CCDC171: variants seen among roughly 807,000 people sequenced by gnomAD.
CCDC171 encodes the protein coiled-coil domain-containing protein 171.
CCDC171 carries 177 observed loss-of-function variants against 168.2 expected under a neutral mutation model. The observed-to-expected ratio is 1.05, with a 90% CI of 0.93 to 1.19. The LOEUF is 1.19. Among genes scored for constraint, CCDC171 ranks in the 50% most tolerant of loss-of-function variants. CCDC171 has a pLI of 0.00. For synonymous variants in CCDC171, 687 were observed against 540.8 expected, an observed-to-expected ratio of 1.27 and a Z score of -3.75; for missense variants, 1,991 against 1,539.0, an observed-to-expected ratio of 1.29 and a Z score of -4.91.
chr9:15,744,170 A>G, intron 16 of CCDC171, 103 bp from the exon 17 acceptor site: 2 of 888,720 alleles, frequency 2.3e-6, no homozygotes, highest in Non-Finnish European at 3.3e-6. Flanking sequence ...TTTAAAGAGG[A>G]AGAAGTGGTT....
intron 11 of CCDC171, 146 bp from the exon 12 acceptor site, chr9:15,721,623 C>A (rs768511278): frequency 1.5e-5 from 4 of 271,626 alleles, no homozygotes; most frequent in South Asian, 1.2e-4. Flanking sequence ...ATTTTATTCT[C>A]CAAGTATACT....
intron 21 of CCDC171, among the ~76,000 whole-genome samples, chr9:15,825,097 TTTC>T (rs2059957659): frequency 6.6e-6 from 1 of 152,154 alleles, no homozygotes; most frequent in African/African-American, 2.4e-5. Flanking sequence ...AACTTCAAAT[TTTC>T]TTCTTCATCC....
In CCDC171 at chr9:15,768,192, T is replaced by TAAA. The variant is rs34022345; in HGVS notation, c.2672-9398_2672-9396dup. ...TATACTTAGCTTCCTATGAGTTTCC[T>TAAA]AAAAAAAAAAAACCCTAAAATTCAG... is the stretch of plus-strand genomic sequence containing the variant. On this transcript the variant is annotated intron_variant, in intron 18 of 25. Transcript: ENST00000380701. Among the ~76,000 whole-genome samples, 143 of 145,412 alleles carry TAAA rather than the reference T, an allele frequency of 9.8e-4. 1 individual carries two copies. The highest frequency in any genetic ancestry group is 8.7e-4 in the South Asian group (4 of 4,578).
chr9:15,927,712 G>T (rs542546109), intron 25 of CCDC171, among the ~76,000 whole-genome samples: 70 of 151,548 alleles, frequency 4.6e-4, no homozygotes, highest in Non-Finnish European at 8.7e-4. Flanking sequence ...TAGATATTTT[G>T]GTTCAGTTAA....
chr9:15,748,796 C>T (rs1293070607), intron 18 of CCDC171, among the ~76,000 whole-genome samples: 4 of 152,146 alleles, frequency 2.6e-5, no homozygotes, highest in African/African-American at 9.7e-5. Context: ...CACCACCAGG[C>T]CTGCCTTACA....
intron 25 of CCDC171, among the ~76,000 whole-genome samples, chr9:15,959,069 C>T (rs556833969): frequency 2.6e-5 from 4 of 152,142 alleles, no homozygotes; most frequent in East Asian, 1.9e-4. Flanking sequence ...CTTGGAAGAC[C>T]GAAGGTGCCT....
intron 21 of CCDC171, among the ~76,000 whole-genome samples, chr9:15,811,781 C>T (rs1241240195): frequency 6.6e-6 from 1 of 152,114 alleles, no homozygotes; most frequent in Non-Finnish European, 1.5e-5. Context: ...ATGATGGAGT[C>T]TACCTATAGG....
At chr9:15,688,652 C>G (rs2050577886) in intron 10 of CCDC171, among the ~76,000 whole-genome samples, 1 of 152,122 alleles carries the variant, frequency 6.6e-6, no homozygotes, top group East Asian at 1.9e-4. Flanking sequence ...ATGCAGCATC[C>G]TTTTATGATA....
chr9:15,621,195 G>A (rs1042952465), intron 6 of CCDC171, among the ~76,000 whole-genome samples: 5 of 152,274 alleles, frequency 3.3e-5, no homozygotes, highest in Non-Finnish European at 5.9e-5. Context: ...TCAGATTCCT[G>A]GGCTCAAGTG....
intron 21 of CCDC171, among the ~76,000 whole-genome samples, chr9:15,799,569 A>G (rs1295836951): frequency 6.6e-6 from 1 of 152,190 alleles, no homozygotes; most frequent in East Asian, 1.9e-4. Context: ...TAACCACATC[A>G]TGGTAAATGG....
At chr9:15,850,165 A>T (rs2061066223) in intron 23 of CCDC171, 1 of 151,932 alleles carries the variant, frequency 6.6e-6, no homozygotes, top group African/African-American at 2.4e-5. Flanking sequence ...TACGTCATAT[A>T]CATGGCATAC....
intron 10 of CCDC171, among the ~76,000 whole-genome samples, chr9:15,688,325 T>A (rs944124421): frequency 1.3e-5 from 2 of 152,108 alleles, no homozygotes; most frequent in African/African-American, 4.8e-5. Context: ...CTTCATAAAT[T>A]CTTTCAAAAA....
rs184110922 is a variant in CCDC171 at position 15,649,781 on chromosome 9, G to A, written c.823-7346G>A. Reference sequence around the variant, plus strand: ...CTAGAGAGGATGTGGAGAAATAGGAGCATTTTTACACTGTTGGAAGGACTG... The same window carrying A: ...CTAGAGAGGATGTGGAGAAATAGGAACATTTTTACACTGTTGGAAGGACTG... On this transcript the variant is annotated intron_variant, in intron 7 of 25. Transcript: ENST00000380701. Among the ~76,000 whole-genome samples, 386 of 152,146 alleles carry A rather than the reference G, an allele frequency of 2.5e-3. 1 individual carries two copies. Among genetic ancestry groups the A allele is most frequent in the Non-Finnish European group, 4.1e-3 (277 of 67,950 alleles).
chr9:15,583,936 C>T (rs1003947133), intron 4 of CCDC171, among the ~76,000 whole-genome samples: 4 of 152,038 alleles, frequency 2.6e-5, no homozygotes, highest in South Asian at 2.1e-4. Context: ...GGTGCGATCT[C>T]GGCTCACTGC....
chr9:15,956,317 T>C (rs1340606287), intron 25 of CCDC171, among the ~76,000 whole-genome samples: 1 of 152,142 alleles, frequency 6.6e-6, no homozygotes, highest in Non-Finnish European at 1.5e-5. Flanking sequence ...GAGGCTAGGA[T>C]TCCCCATCTT....
At chr9:15,612,527 C>T (rs920648367) in intron 6 of CCDC171, among the ~76,000 whole-genome samples, 2 of 152,144 alleles carry the variant, frequency 1.3e-5, no homozygotes, top group Non-Finnish European at 2.9e-5. Context: ...GATAGAACTG[C>T]AGTCTCACTT....
chr9:15,991,909 A>G (rs1832212812), intron 3 of CCDC171, among the ~76,000 whole-genome samples: 1 of 152,206 alleles, frequency 6.6e-6, no homozygotes, highest in South Asian at 2.1e-4. Flanking sequence ...TAGACCGATA[A>G]CAGGCTCTGA....
intron 6 of CCDC171, among the ~76,000 whole-genome samples, chr9:15,595,183 A>G (rs2042252620): frequency 6.6e-6 from 1 of 152,072 alleles, no homozygotes; most frequent in African/African-American, 2.4e-5. Context: ...GTTTTAGGGT[A>G]CATGTGCACA....
Position 15,920,931 on chromosome 9 carries a change from G to C in CCDC171, c.3753+509G>C, listed in dbSNP as rs536169999. On this transcript the variant is annotated intron_variant, in intron 25 of 25. Coordinates refer to ENST00000380701, the MANE Select transcript of CCDC171 (RefSeq NM_173550.4). ...GCTATTTTCATGTCTTAAAATTTCA[G>C]CCCATGATGAAGTTTGGGCTCACTT... 2.7e-5 allele frequency among the ~76,000 whole-genome samples: 4 copies of C among 150,780 alleles called. No homozygotes were observed. The East Asian group carries it at 7.9e-4, about 30-fold the overall frequency.
Sources: gnomAD v4.1 joint callset for allele counts (sites outside exome capture counted in the v4.1 genomes callset) on GRCh38, gnomAD v4.1.1 for gene constraint, MANE v1.5 for transcripts, NCBI Gene and HGNC (gene_info 2026-07-23, HGNC 2026-07-21) for gene names.